The following FSTL4 variants were observed in gnomAD, a reference collection of about 807,000 sequenced individuals.
The protein encoded by FSTL4 is follistatin-related protein 4.
Under a neutral mutation model 78.2 loss-of-function variants are expected in FSTL4, and 28 were observed. The ratio of observed to expected loss-of-function variants is 0.36; its 90% CI spans 0.27 to 0.49. The LOEUF is 0.49. Among genes scored for constraint, FSTL4 ranks in the 20% least tolerant of loss-of-function variants. The pLI, the probability that FSTL4 is intolerant of heterozygous loss-of-function variation, is 0.98. For missense variants in FSTL4, 922 were observed against 1,084.9 expected, an observed-to-expected ratio of 0.85 and a Z score of 2.11; for synonymous variants, 422 against 440.5, an observed-to-expected ratio of 0.96 and a Z score of 0.53.
At chr5:133,250,334 C>T (rs995923012) in intron 6 of FSTL4, among the ~76,000 whole-genome samples, 6 of 152,208 alleles carry the variant, frequency 3.9e-5, no homozygotes, top group African/African-American at 4.8e-5. Context: ...TCAGGCTGCT[C>T]AAATGACCAA....
the FSTL4 span, among the ~76,000 whole-genome samples, chr5:133,747,329 G>A: frequency 1.3e-5 from 2 of 152,186 alleles, no homozygotes. Flanking sequence ...GCCTGTGGAA[G>A]CTAAAGTACT....
At chr5:133,306,691 C>T (rs1182314072) in intron 6 of FSTL4, among the ~76,000 whole-genome samples, 1 of 152,188 alleles carries the variant, frequency 6.6e-6, no homozygotes, top group Non-Finnish European at 1.5e-5. Context: ...TCGCTGGCCA[C>T]AGCTGCATGT....
At chr5:133,650,625 A>T in the FSTL4 span, among the ~76,000 whole-genome samples, 1 of 152,110 alleles carries the variant, frequency 6.6e-6, no homozygotes, top group Non-Finnish European at 1.5e-5. Context: ...TTGGCTCTTC[A>T]TTCTGTTCCA....
intron 6 of FSTL4, among the ~76,000 whole-genome samples, chr5:133,286,379 AGAT>A (rs1753129584): frequency 6.6e-6 from 1 of 152,212 alleles, no homozygotes; most frequent in South Asian, 2.1e-4. Flanking sequence ...GGCCCTACCC[AGAT>A]CTCCACATTC....
rs1483985220 is a variant in FSTL4 at position 133,366,325 on chromosome 5, C to G, written c.409+34413G>C. ...TGAAACTCCGCATTGAAACATCTCC[C>G]TCAATGCTTTTCTTTATGGTCTTTA... On this transcript the variant is annotated intron_variant, in intron 4 of 15. Transcript: ENST00000265342. Among the ~76,000 whole-genome samples the G allele has an allele frequency of 2.0e-5, 3 of 152,304 alleles. No individual in the cohort carries two copies. The East Asian group carries it at 5.8e-4, about 29-fold the overall frequency.
intron 4 of FSTL4, among the ~76,000 whole-genome samples, chr5:133,384,481 G>T (rs1755652818): frequency 6.6e-6 from 1 of 152,204 alleles, no homozygotes; most frequent in South Asian, 2.1e-4. Flanking sequence ...ACGAGGACTG[G>T]CTAAGGATGG....
At chr5:133,326,420 C>T (rs878927080) in intron 4 of FSTL4, among the ~76,000 whole-genome samples, 2 of 152,206 alleles carry the variant, frequency 1.3e-5, no homozygotes, top group African/African-American at 4.8e-5. Flanking sequence ...AACCCACTGC[C>T]GCTGTCCCCT....
At position 133,314,937 on chromosome 5, in the gene FSTL4, C is replaced by T. The variant is rs896601906; in HGVS notation, c.603+1522G>A. On this transcript the variant is annotated intron_variant, in intron 5 of 15. Transcript: ENST00000265342. ...CAGCACTTTGAGAGGCCAAGGTGGG[C>T]GGATCACCTGAGGTCAGGAGTTTGA... is the stretch of plus-strand genomic sequence containing the variant. 3.9e-5 allele frequency among the ~76,000 whole-genome samples: 6 copies of T among 152,216 alleles called. No individual in the cohort carries two copies. The South Asian group carries it at 6.2e-4, about 16-fold the overall frequency.
intron 4 of FSTL4, among the ~76,000 whole-genome samples, chr5:133,357,952 G>A (rs1432496344): frequency 2.0e-5 from 3 of 152,234 alleles, no homozygotes; most frequent in Non-Finnish European, 4.4e-5. Context: ...TGCCCACTCA[G>A]GAGGACCAGT....
At chr5:133,264,130 T>G (rs1400594854) in intron 6 of FSTL4, among the ~76,000 whole-genome samples, 1 of 152,112 alleles carries the variant, frequency 6.6e-6, no homozygotes, top group Admixed American at 6.5e-5. Flanking sequence ...AGCCTGAGGA[T>G]GCCATGGAAC....
intron 11 of FSTL4, among the ~76,000 whole-genome samples, chr5:133,222,455 A>AC (rs1308423030): frequency 6.6e-6 from 1 of 152,120 alleles, no homozygotes; most frequent in East Asian, 1.9e-4. Context: ...CACCTGACAA[A>AC]CTGCTTCCAC....
the FSTL4 span, among the ~76,000 whole-genome samples, chr5:133,790,506 CT>C: frequency 6.6e-6 from 1 of 152,156 alleles, no homozygotes; most frequent in Non-Finnish European, 1.5e-5. Flanking sequence ...ATCACAGCCC[CT>C]CTTACGGTTT....
At chr5:133,240,203 T>C (rs981008228) in intron 7 of FSTL4, among the ~76,000 whole-genome samples, 1 of 152,172 alleles carries the variant, frequency 6.6e-6, no homozygotes, top group African/African-American at 2.4e-5. Flanking sequence ...GAACAAACTC[T>C]GGACACGCTG....
intron 4 of FSTL4, among the ~76,000 whole-genome samples, chr5:133,332,972 G>A (rs1037789566): frequency 2.8e-4 from 42 of 152,126 alleles, no homozygotes; most frequent in African/African-American, 9.7e-4. Context: ...TGGAGAATAG[G>A]TCCTTGCACG....
the FSTL4 span, among the ~76,000 whole-genome samples, chr5:133,644,315 T>TG: frequency 5.6e-3 from 838 of 148,896 alleles, 10 homozygotes; most frequent in African/African-American, 0.019. Context: ...TTTGTGTGTG[T>TG]TTTTTTTTTC....
At chr5:133,834,347 A>G in the FSTL4 span, among the ~76,000 whole-genome samples, 1 of 152,252 alleles carries the variant, frequency 6.6e-6, no homozygotes, top group South Asian at 2.1e-4. Flanking sequence ...GACAGGTAAC[A>G]CAACAAACAG....
At chr5:133,443,823 A>G (rs1056081230) in intron 3 of FSTL4, among the ~76,000 whole-genome samples, 10 of 151,842 alleles carry the variant, frequency 6.6e-5, no homozygotes, top group African/African-American at 2.4e-4. Flanking sequence ...GAAACCCACT[A>G]CCCCATATGG....
chr5:133,461,043 C>G (rs1018375265), intron 3 of FSTL4, among the ~76,000 whole-genome samples: 2 of 152,136 alleles, frequency 1.3e-5, no homozygotes, highest in African/African-American at 2.4e-5. Flanking sequence ...GAAGTCAAAC[C>G]ACATTCAGGA....
At chr5:133,489,511 G>A (rs1238152882) in intron 3 of FSTL4, among the ~76,000 whole-genome samples, 1 of 152,138 alleles carries the variant, frequency 6.6e-6, no homozygotes, top group Non-Finnish European at 1.5e-5. Flanking sequence ...CTATCTAGAA[G>A]GTTCTGCTAG....
Sources: allele counts gnomAD v4.1 joint callset (sites outside exome capture counted in the v4.1 genomes callset), GRCh38; gene constraint gnomAD v4.1.1; transcripts MANE v1.5; gene names NCBI Gene and HGNC (gene_info 2026-07-23, HGNC 2026-07-21).